The following CNTFR variants were observed in gnomAD, a reference collection of about 807,000 sequenced individuals.
CNTFR encodes ciliary neurotrophic factor receptor.
A neutral mutation model predicts 40.4 loss-of-function variants in CNTFR; 12 were observed. The ratio of observed to expected loss-of-function variants is 0.30; its 90% confidence interval spans 0.19 to 0.48. The LOEUF (loss-of-function observed/expected upper bound fraction) is 0.48, where lower values mean the gene tolerates loss of function less well. Ranked by LOEUF, CNTFR falls within the 20% of genes least tolerant of loss-of-function variation. The pLI, the probability that CNTFR is intolerant of heterozygous loss-of-function variation, is 0.99. For synonymous variants in CNTFR, 202 were observed against 209.6 expected (o/e 0.96, Z 0.31); for missense variants, 414 against 506.8 (o/e 0.82, Z 1.76).
At chr9:34,573,286 A>C (rs140189766) in intron 2 of CNTFR, among the ~76,000 whole-genome samples, 198 of 152,320 alleles carry the variant, frequency 1.3e-3, no homozygotes, top group African/African-American at 4.4e-3. Flanking sequence ...ACCCTGGGGA[A>C]GCCCTGCCGC....
chr9:34,588,635 A>G (rs1165211931), intron 1 of CNTFR, among the ~76,000 whole-genome samples: 1 of 152,226 alleles, frequency 6.6e-6, no homozygotes, highest in Non-Finnish European at 1.5e-5. Flanking sequence ...ACGGAAAGAA[A>G]GAAAATCCTG....
Position 34,589,293 on chromosome 9 carries a change from G to C in CNTFR, c.-112+262C>G, listed in dbSNP as rs1827678809. Among the ~76,000 whole-genome samples, 2 of 152,008 alleles carry C rather than the reference G, an allele frequency of 1.3e-5. No individual in the cohort carries two copies. ...ACAGGGACACTAGGACAAACCGCCGGAGCCACCTCCCTCTAGTCCACAGTC... is the reference window on the plus strand; with the variant it reads ...ACAGGGACACTAGGACAAACCGCCGCAGCCACCTCCCTCTAGTCCACAGTC... On this transcript the variant is annotated intron_variant, in intron 1 of 9. Coordinates refer to ENST00000378980, the MANE Select transcript of CNTFR (RefSeq NM_147164.3). This position sits in a 1 kb window ranked among gnomAD's most constrained non-coding sequence, Gnocchi z 4.4.
chr9:34,573,021 C>T (rs1826753654), intron 2 of CNTFR, among the ~76,000 whole-genome samples: 1 of 152,222 alleles, frequency 6.6e-6, no homozygotes, highest in Non-Finnish European at 1.5e-5. Context: ...TGAAGTCTGA[C>T]AGCCGCCGTC....
upstream of CNTFR, among the ~76,000 whole-genome samples, chr9:34,590,725 G>C (rs968763027): frequency 6.6e-6 from 1 of 152,236 alleles, no homozygotes; most frequent in Non-Finnish European, 1.5e-5. Context: ...TCCCTTCGCA[G>C]CCTGGGCCTC....
At chr9:34,578,139 A>G (rs144072067) in intron 2 of CNTFR, among the ~76,000 whole-genome samples, 4,761 of 143,920 alleles carry the variant, frequency 0.033, 122 homozygotes, top group South Asian at 0.076. Context: ...GGCAGAAGCA[A>G]CCCCCACAGC....
intron 1 of CNTFR, among the ~76,000 whole-genome samples, chr9:34,586,900 G>A (rs907043328): frequency 4.6e-5 from 7 of 152,302 alleles, no homozygotes; most frequent in African/African-American, 1.4e-4. Flanking sequence ...CAAGTGCCCC[G>A]ATACTCACCA....
Position 34,589,597 on chromosome 9 carries a change from C to A in CNTFR, c.-154G>T, listed in dbSNP as rs1382695098. The A allele has an allele frequency of 6.6e-6, 1 of 152,112 alleles. No homozygotes were observed. Among genetic ancestry groups the A allele is most frequent in the African/African-American group, 2.4e-5 (1 of 41,214 alleles). The allele number at this position is 152,112 out of a possible 1,614,324, so 9.4% of individuals were successfully genotyped here. A position where few individuals can be genotyped will look rare whatever the true frequency, so the allele number is the denominator to read the frequency against. On this transcript the variant is annotated 5_prime_UTR_variant, in exon 1 of 10. Coordinates refer to ENST00000378980, the MANE Select transcript of CNTFR (RefSeq NM_147164.3). This position sits in a 1 kb window ranked among gnomAD's most constrained non-coding sequence, Gnocchi z 4.4. ...CGGGCTTCGCGCCGCGCCTTCCGACCGCCCCCGGCAGCGAGCGAGGCAGGG... is the reference window on the plus strand; with the variant it reads ...CGGGCTTCGCGCCGCGCCTTCCGACAGCCCCCGGCAGCGAGCGAGGCAGGG...
intron 4 of CNTFR, among the ~76,000 whole-genome samples, chr9:34,561,421 T>G (rs1290968700): frequency 6.6e-6 from 1 of 152,166 alleles, no homozygotes; most frequent in Non-Finnish European, 1.5e-5. Context: ...GAATCAGCAG[T>G]GTCTTGTAAA....
intron 2 of CNTFR, among the ~76,000 whole-genome samples, chr9:34,575,140 C>G (rs566202799): frequency 6.6e-5 from 10 of 152,186 alleles, no homozygotes; most frequent in Non-Finnish European, 1.0e-4. Flanking sequence ...CAGATAAGTT[C>G]GTATCCTCCC....
At chr9:34,553,818 A>T (rs1408040888) in intron 7 of CNTFR, among the ~76,000 whole-genome samples, 1 of 152,168 alleles carries the variant, frequency 6.6e-6, no homozygotes, top group Non-Finnish European at 1.5e-5. Context: ...CTGCCTCATT[A>T]AGCCGCCTCG....
intron 1 of CNTFR, among the ~76,000 whole-genome samples, chr9:34,587,162 A>T (rs966897103): frequency 6.6e-5 from 10 of 152,042 alleles, no homozygotes; most frequent in African/African-American, 2.4e-4. Flanking sequence ...CCAGGACTGA[A>T]GTGAGAGAGC....
At chr9:34,587,671 A>G (rs535856370) in intron 1 of CNTFR, among the ~76,000 whole-genome samples, 1 of 152,226 alleles carries the variant, frequency 6.6e-6, no homozygotes, top group South Asian at 2.1e-4. Context: ...TTCAAATGTG[A>G]GCCCCATGTT....
At chr9:34,585,954 G>T (rs1827522254) in intron 1 of CNTFR, among the ~76,000 whole-genome samples, 2 of 152,332 alleles carry the variant, frequency 1.3e-5, no homozygotes, top group South Asian at 4.1e-4. Context: ...GAGAGCAGGG[G>T]TGTCTTGCCT....
At chr9:34,572,508 C>A (rs1489799467) in intron 2 of CNTFR, among the ~76,000 whole-genome samples, 1 of 152,100 alleles carries the variant, frequency 6.6e-6, no homozygotes, top group African/African-American at 2.4e-5. Context: ...AGAGGGGGTA[C>A]CCCATAAGCA....
intron 2 of CNTFR, among the ~76,000 whole-genome samples, chr9:34,573,026 G>GC (rs969487352): frequency 1.4e-4 from 21 of 152,174 alleles, no homozygotes; most frequent in African/African-American, 3.9e-4. Context: ...TCTGACAGCC[G>GC]CCGTCGGTAA....
Position 34,557,194 on chromosome 9 carries a change from G to GA in CNTFR, c.604+331_604+332insT, listed in dbSNP as rs887959087. 1.3e-5 allele frequency among the ~76,000 whole-genome samples: 2 copies of GA among 151,310 alleles called. No individual in the cohort carries two copies. The highest frequency in any genetic ancestry group is 3.0e-5 in the Non-Finnish European group (2 of 67,706). ...GTCCGTAAGGAAGCCATTAGAGTTG[G>GA]GGGGGGGTGCGGTGGAGGCTGCAGC... On this transcript the variant is annotated intron_variant, in intron 6 of 9. Coordinates refer to ENST00000378980, the MANE Select transcript of CNTFR (RefSeq NM_147164.3). This position sits in a 1 kb window ranked among gnomAD's most constrained non-coding sequence, Gnocchi z 4.2.
At chr9:34,561,796 T>C (rs972690431) in intron 4 of CNTFR, among the ~76,000 whole-genome samples, 1 of 152,222 alleles carries the variant, frequency 6.6e-6, no homozygotes, top group South Asian at 2.1e-4. Flanking sequence ...GTTACTAATA[T>C]AAAGTGACTG....
At chr9:34,565,552 T>G (rs1447205806) in intron 3 of CNTFR, among the ~76,000 whole-genome samples, 1 of 152,154 alleles carries the variant, frequency 6.6e-6, no homozygotes, top group Non-Finnish European at 1.5e-5. Context: ...CAGGAACTAC[T>G]TAGGGCAGGT....
At chr9:34,575,681 A>ACCCCCCCACCCT in intron 2 of CNTFR, among the ~76,000 whole-genome samples, 1 of 51,358 alleles carries the variant, frequency 1.9e-5, no homozygotes, top group Admixed American at 1.9e-4. Context: ...CCACCCACCC[A>ACCCCCCCACCCT]CCCACCCACA....
Sources: allele counts gnomAD v4.1 joint callset (sites outside exome capture counted in the v4.1 genomes callset), GRCh38; gene constraint gnomAD v4.1.1; non-coding constraint Gnocchi (gnomAD v3.1); transcripts MANE v1.5; gene names NCBI Gene and HGNC (gene_info 2026-07-23, HGNC 2026-07-21).